The following FGF14 variants were observed in gnomAD, a reference collection of about 807,000 sequenced individuals.
The protein encoded by FGF14 is fibroblast growth factor 14, also known as fibroblast growth factor homologous factor 4.
In FGF14, 5 loss-of-function variants were observed where a neutral mutation model predicts 25.5. The ratio of observed to expected loss-of-function variants is 0.20; its 90% confidence interval spans 0.10 to 0.41. The LOEUF (loss-of-function observed/expected upper bound fraction) is 0.41, where lower values mean the gene tolerates loss of function less well. Among genes scored for constraint, FGF14 ranks in the 10% least tolerant of loss-of-function variants. The probability of loss-of-function intolerance (pLI) is 1.00; values close to 1 mark genes in which losing one functional copy is unlikely to be tolerated. For synonymous variants in FGF14, 138 were observed against 118.3 expected (o/e 1.17, Z -1.08); for missense variants, 222 against 320.1 (o/e 0.69, Z 2.34).
chr13:102,132,933 T>C (rs1228835513), intron 1 of FGF14, among the ~76,000 whole-genome samples: 1 of 152,214 alleles, frequency 6.6e-6, no homozygotes, highest in African/African-American at 2.4e-5. Flanking sequence ...AGGTGTTCTG[T>C]TGAACCTGAA....
intron 1 of FGF14, among the ~76,000 whole-genome samples, chr13:102,287,334 T>G (rs2054155230): frequency 6.7e-6 from 1 of 150,282 alleles, no homozygotes; most frequent in African/African-American, 2.5e-5. Context: ...GACTGGAGGT[T>G]AAATAGCAAA....
At chr13:102,382,252 A>G (rs1261574273) in intron 1 of FGF14, among the ~76,000 whole-genome samples, 1 of 152,152 alleles carries the variant, frequency 6.6e-6, no homozygotes, top group African/African-American at 2.4e-5. Context: ...AGAAACTTGT[A>G]TCTAGAATAC....
At chr13:101,869,464 T>A (rs2044922897) in intron 2 of FGF14, among the ~76,000 whole-genome samples, 1 of 152,228 alleles carries the variant, frequency 6.6e-6, no homozygotes, top group African/African-American at 2.4e-5. Flanking sequence ...AAGCATTTTA[T>A]ATATTTTTGC....
chr13:101,754,666 T>G (rs988176037), intron 3 of FGF14, among the ~76,000 whole-genome samples: 6 of 150,998 alleles, frequency 4.0e-5, no homozygotes, highest in African/African-American at 1.5e-4. Context: ...GAGGCGGAGA[T>G]TGCAGTGACC....
chr13:101,774,852 A>C (rs982714564), intron 3 of FGF14, among the ~76,000 whole-genome samples: 1 of 152,030 alleles, frequency 6.6e-6, no homozygotes, highest in Non-Finnish European at 1.5e-5. Flanking sequence ...CAGGAGTTCA[A>C]AACCAGACTG....
intron 1 of FGF14, chr13:102,395,592 A>G (rs3087647): frequency 0.31 from 47,136 of 152,180 alleles, 7,881 homozygotes; most frequent in African/African-American, 0.43. Flanking sequence ...AGGAGTAAGC[A>G]TTAAGCGAAT....
At chr13:101,816,771 C>G (rs1173852372) in intron 3 of FGF14, among the ~76,000 whole-genome samples, 1 of 151,968 alleles carries the variant, frequency 6.6e-6, no homozygotes, top group Non-Finnish European at 1.5e-5. Flanking sequence ...AAATATTATT[C>G]ATAATATTTA....
intron 1 of FGF14, among the ~76,000 whole-genome samples, chr13:101,990,300 G>A (rs761110614): frequency 2.2e-4 from 33 of 152,022 alleles, no homozygotes; most frequent in Non-Finnish European, 4.0e-4. Context: ...AGATTTATTG[G>A]GTTTTCACAC....
At chr13:102,061,335 G>A (rs545207058) in intron 1 of FGF14, among the ~76,000 whole-genome samples, 1 of 152,336 alleles carries the variant, frequency 6.6e-6, no homozygotes, top group Admixed American at 6.5e-5. Flanking sequence ...TGTAAACACT[G>A]GACTCTAGAT....
chr13:101,959,588 GA>G (rs1398060855), intron 1 of FGF14, among the ~76,000 whole-genome samples: 1 of 152,090 alleles, frequency 6.6e-6, no homozygotes, highest in Non-Finnish European at 1.5e-5. Context: ...TTCCAACTTG[GA>G]GTTTCTTTCC....
intron 1 of FGF14, among the ~76,000 whole-genome samples, chr13:101,932,756 TAAAAAA>T (rs869271842): frequency 1.0e-5 from 1 of 98,582 alleles, no homozygotes; most frequent in Non-Finnish European, 2.0e-5. Context: ...AAAATTACAG[TAAAAAA>T]AAAAAAAAAA....
rs542736908 is a variant in FGF14 at position 101,957,220 on chromosome 13, C to T, written c.209-81924G>A. The stretch of plus-strand genomic sequence containing the variant: ...ATGAATCAACATCCCTTGAATGCTG[C>T]ACTTTTCTTGTCTAATTTCCAAACT... On this transcript the variant is annotated intron_variant, in intron 1 of 4. Coordinates refer to the FGF14 transcript ENST00000376131. Among the ~76,000 whole-genome samples, 4 of 152,238 alleles carry T rather than the reference C, an allele frequency of 2.6e-5. No homozygotes were observed. The South Asian group carries it at 8.3e-4, about 32-fold the overall frequency.
intron 1 of FGF14, among the ~76,000 whole-genome samples, chr13:102,383,948 A>C (rs140786245): frequency 6.6e-6 from 1 of 152,216 alleles, no homozygotes. Context: ...ACCAACTCTC[A>C]TATGTTAAAA....
chr13:101,933,750 A>C (rs750889319), intron 1 of FGF14, among the ~76,000 whole-genome samples: 3 of 152,056 alleles, frequency 2.0e-5, no homozygotes, highest in Non-Finnish European at 4.4e-5. Flanking sequence ...AACAAACAAA[A>C]ACATATATAA....
At chr13:101,794,335 A>C (rs562387145) in intron 3 of FGF14, among the ~76,000 whole-genome samples, 1 of 152,074 alleles carries the variant, frequency 6.6e-6, no homozygotes, top group African/African-American at 2.4e-5. Flanking sequence ...AAAACATCTG[A>C]TTTGGTCAGT....
At chr13:102,289,963 T>G (rs916017086) in intron 1 of FGF14, among the ~76,000 whole-genome samples, 4 of 152,148 alleles carry the variant, frequency 2.6e-5, no homozygotes, top group African/African-American at 9.7e-5. Flanking sequence ...CAGAACGTGG[T>G]AGCCTGAGAG....
intron 3 of FGF14, among the ~76,000 whole-genome samples, chr13:101,810,492 C>T (rs78288420): frequency 6.6e-6 from 1 of 152,182 alleles, no homozygotes; most frequent in Non-Finnish European, 1.5e-5. Context: ...AGTGGGCAAT[C>T]TAATGCTGAC....
intron 1 of FGF14, among the ~76,000 whole-genome samples, chr13:101,953,595 AT>A (rs1277764589): frequency 2.6e-3 from 349 of 135,014 alleles, no homozygotes; most frequent in African/African-American, 7.1e-3. Context: ...TATAATTTTT[AT>A]TTTTTTTTTT....
At chr13:102,103,281 G>C (rs781406318) in intron 1 of FGF14, among the ~76,000 whole-genome samples, 8 of 152,114 alleles carry the variant, frequency 5.3e-5, no homozygotes, top group Non-Finnish European at 7.4e-5. Flanking sequence ...GAAATCTCAA[G>C]TTTCTCAGTG....
Sources: allele counts gnomAD v4.1 joint callset (sites outside exome capture counted in the v4.1 genomes callset), GRCh38; gene constraint gnomAD v4.1.1; transcripts MANE v1.5; gene names NCBI Gene and HGNC (gene_info 2026-07-23, HGNC 2026-07-21).